SOX5: variants seen among roughly 807,000 people sequenced by gnomAD.
The protein encoded by SOX5 is SRY-box transcription factor 5.
SOX5 carries 9 observed loss-of-function variants against 92.0 expected under a neutral mutation model. The observed-to-expected ratio is 0.10, with a 90% CI of 0.06 to 0.17. SOX5 has a LOEUF of 0.17. SOX5 is among the 10% of genes least tolerant of loss of function. SOX5 has a pLI of 1.00. For missense variants in SOX5, 642 were observed against 944.5 expected (o/e 0.68, Z 4.20); for synonymous variants, 344 against 336.3 (o/e 1.02, Z -0.25).
At chr12:23,547,960 C>T (rs1317847778) in intron 11 of SOX5, among the ~76,000 whole-genome samples, 1 of 152,084 alleles carries the variant, frequency 6.6e-6, no homozygotes, top group African/African-American at 2.4e-5. Context: ...ACCAGCTTAA[C>T]AGACTTTCTT....
intron 3 of SOX5, among the ~76,000 whole-genome samples, chr12:24,218,607 T>G (rs1432476837): frequency 2.6e-5 from 4 of 152,140 alleles, no homozygotes; most frequent in African/African-American, 9.7e-5. Context: ...ACATGAACAC[T>G]TGGAATGAAT....
At chr12:23,890,289 C>T (rs2097115297) in intron 2 of SOX5, among the ~76,000 whole-genome samples, 1 of 149,350 alleles carries the variant, frequency 6.7e-6, no homozygotes, top group Admixed American at 6.7e-5. Context: ...CATTGCACTC[C>T]AGCCTAGGCA....
At chr12:23,818,951 A>G (rs2096054494) in intron 3 of SOX5, among the ~76,000 whole-genome samples, 1 of 152,172 alleles carries the variant, frequency 6.6e-6, no homozygotes, top group Non-Finnish European at 1.5e-5. Flanking sequence ...GTGATCTCCT[A>G]TGATAACAAT....
intron 4 of SOX5, among the ~76,000 whole-genome samples, chr12:24,160,705 T>C (rs1952668623): frequency 6.6e-6 from 1 of 152,074 alleles, no homozygotes; most frequent in Non-Finnish European, 1.5e-5. Context: ...CCAACCCCAC[T>C]GAAGTGTTTT....
intron 1 of SOX5, among the ~76,000 whole-genome samples, chr12:23,936,491 G>T (rs963031459): frequency 6.6e-6 from 1 of 150,810 alleles, no homozygotes; most frequent in South Asian, 2.1e-4. Context: ...TTTTAAAAAA[G>T]TAATAAAATT....
At chr12:23,582,985 T>G (rs17382832) in intron 9 of SOX5, among the ~76,000 whole-genome samples, 1 of 152,234 alleles carries the variant, frequency 6.6e-6, no homozygotes, top group East Asian at 1.9e-4. Flanking sequence ...TTTCCGACTT[T>G]GTTGAATTAA....
At chr12:24,131,240 G>A (rs1413640129) in intron 4 of SOX5, among the ~76,000 whole-genome samples, 1 of 152,140 alleles carries the variant, frequency 6.6e-6, no homozygotes, top group East Asian at 1.9e-4. Flanking sequence ...ATGTGTTTAG[G>A]ATCTACATGC....
chr12:24,051,708 C>T (rs1352410427), intron 4 of SOX5, among the ~76,000 whole-genome samples: 1 of 152,250 alleles, frequency 6.6e-6, no homozygotes, highest in Non-Finnish European at 1.5e-5. Flanking sequence ...GATTATTTGT[C>T]ATAATAGCAG....
At chr12:24,068,312 T>C (rs997633692) in intron 4 of SOX5, among the ~76,000 whole-genome samples, 1 of 152,132 alleles carries the variant, frequency 6.6e-6, no homozygotes, top group Non-Finnish European at 1.5e-5. Flanking sequence ...CTGATAACAT[T>C]GTTCACAAAA....
chr12:23,789,896 T>A (rs1269401631), intron 3 of SOX5, among the ~76,000 whole-genome samples: 1 of 152,108 alleles, frequency 6.6e-6, no homozygotes, highest in Non-Finnish European at 1.5e-5. Flanking sequence ...AAACAACAAA[T>A]CTGTGCCTCA....
chr12:23,662,907 T>C (rs1045983974), intron 7 of SOX5, among the ~76,000 whole-genome samples: 10 of 152,136 alleles, frequency 6.6e-5, no homozygotes, highest in African/African-American at 2.2e-4. Flanking sequence ...TCAAGATGGG[T>C]TGGTCAGTCT....
intron 1 of SOX5, among the ~76,000 whole-genome samples, chr12:24,542,213 C>T (rs148584879): frequency 4.6e-5 from 7 of 152,264 alleles, no homozygotes; most frequent in African/African-American, 1.7e-4. Flanking sequence ...TCTCTTGATC[C>T]CTTAACAGTC....
intron 4 of SOX5, among the ~76,000 whole-genome samples, chr12:23,978,120 G>A (rs958526195): frequency 1.8e-4 from 27 of 152,118 alleles, no homozygotes; most frequent in African/African-American, 6.3e-4. Flanking sequence ...AAATTCTGCT[G>A]GAGTAAGGAC....
At chr12:23,675,961 G>A (rs923458231) in intron 6 of SOX5, among the ~76,000 whole-genome samples, 17 of 152,092 alleles carry the variant, frequency 1.1e-4, no homozygotes, top group African/African-American at 3.9e-4. Flanking sequence ...ATATCTATTA[G>A]GATGGCTATT....
chr12:24,370,245 C>G (rs1336773875), intron 1 of SOX5, among the ~76,000 whole-genome samples: 3 of 152,102 alleles, frequency 2.0e-5, no homozygotes, highest in African/African-American at 7.2e-5. Flanking sequence ...GAGGCCAAGA[C>G]GGGTGGATCA....
intron 8 of SOX5, among the ~76,000 whole-genome samples, chr12:23,627,316 G>A (rs545504566): frequency 6.6e-6 from 1 of 152,242 alleles, no homozygotes; most frequent in African/African-American, 2.4e-5. Flanking sequence ...ATACTTAAGG[G>A]ATATTTTGTT....
chr12:24,240,745 TG>T (rs1965404146), intron 3 of SOX5, among the ~76,000 whole-genome samples: 4 of 152,188 alleles, frequency 2.6e-5, no homozygotes, highest in African/African-American at 9.6e-5. Flanking sequence ...GGAAATTCAC[TG>T]CAAAGTTACA....
chr12:23,710,788 T>C (rs942692438), intron 6 of SOX5, among the ~76,000 whole-genome samples: 2 of 152,212 alleles, frequency 1.3e-5, no homozygotes, highest in African/African-American at 4.8e-5. Context: ...ATGGTATTTC[T>C]AGTTCTAGAT....
At chr12:23,595,344 C>T (rs1014686348) in intron 9 of SOX5, among the ~76,000 whole-genome samples, 2 of 151,984 alleles carry the variant, frequency 1.3e-5, no homozygotes, top group African/African-American at 2.4e-5. Context: ...AATTGTGGGC[C>T]GGACACGGTG....
Sources: allele counts gnomAD v4.1 joint callset (sites outside exome capture counted in the v4.1 genomes callset), GRCh38; gene constraint gnomAD v4.1.1; transcripts MANE v1.5; gene names NCBI Gene and HGNC (gene_info 2026-07-23, HGNC 2026-07-21).